The following CCDC171 variants were observed in gnomAD, a reference collection of about 807,000 sequenced individuals.
CCDC171 encodes the protein coiled-coil domain-containing protein 171.
A neutral mutation model predicts 168.2 loss-of-function variants in CCDC171; 177 were observed. That is an observed-to-expected ratio of 1.05 (90% CI 0.93 to 1.19). The LOEUF (loss-of-function observed/expected upper bound fraction) is 1.19. Among genes scored for constraint, CCDC171 ranks in the 50% most tolerant of loss-of-function variants. The pLI is 0.00. For synonymous variants in CCDC171, 687 were observed against 540.8 expected (o/e 1.27, Z -3.75); for missense variants, 1,991 against 1,539.0 (o/e 1.29, Z -4.91).
In CCDC171 at chr9:15,990,857, A is replaced by G. The variant is rs550185356; in HGVS notation, n.369-29732A>G. On this transcript the variant is annotated intron_variant and non_coding_transcript_variant, in intron 3 of 9. Transcript: ENST00000486641. ...CCATTACATAATGGTAAAGGGATCA[A>G]TTCAACAAGAAGAGCTAGGTATCCT... Among the ~76,000 whole-genome samples, 266 of 152,346 alleles carry G rather than the reference A, an allele frequency of 1.7e-3. 3 individuals are homozygous for G. Among genetic ancestry groups the G allele is most frequent in the African/African-American group, 6.2e-3 (259 of 41,578 alleles).
At chr9:16,053,756 C>A (rs1833789737) in intron 1 of CCDC171, among the ~76,000 whole-genome samples, 1 of 152,228 alleles carries the variant, frequency 6.6e-6, no homozygotes, top group South Asian at 2.1e-4. Context: ...GATGGTGTCT[C>A]CCTCACTGGG....
rs1351825252 is a variant in CCDC171, at chr9:15,872,374, G to A, written c.3469-2158G>A. ...AAAGTTTATTTAGAGAATATAAAAT[G>A]TGGCTTACTGTTCACTGTATGTCAA... On this transcript the variant is annotated intron_variant, in intron 23 of 25. Coordinates refer to ENST00000380701, the MANE Select transcript of CCDC171 (RefSeq NM_173550.4). 4.6e-5 allele frequency among the ~76,000 whole-genome samples: 7 copies of A among 152,108 alleles called. No individual in the cohort carries two copies. In the East Asian group the frequency reaches 7.7e-4, roughly 17 times the overall value.
intron 9 of CCDC171, among the ~76,000 whole-genome samples, chr9:15,675,187 GTTTTTT>G (rs138989790): frequency 2.9e-4 from 22 of 75,544 alleles, no homozygotes; most frequent in South Asian, 1.3e-3. Flanking sequence ...TGCAACTCCT[GTTTTTT>G]TTTTTTTTTT....
rs76207650 is a variant in CCDC171 at position 15,759,446 on chromosome 9, C to A, written c.2671+13815C>A. On this transcript the variant is annotated intron_variant, in intron 18 of 25. Transcript: ENST00000380701. ...TCAGGAAATCAACATGGATACATTACTGTCATTCAGATCCCATTAAACTTT... is the reference window on the plus strand; with the variant it reads ...TCAGGAAATCAACATGGATACATTAATGTCATTCAGATCCCATTAAACTTT... 3.7e-3 allele frequency among the ~76,000 whole-genome samples: 567 copies of A among 152,256 alleles called. 3 individuals carry two copies. The highest frequency in any genetic ancestry group is 0.013 in the African/African-American group (535 of 41,556).
At chr9:15,591,750 T>C (rs2131470510) in intron 5 of CCDC171, among the ~76,000 whole-genome samples, 194 bp downstream of exon 5, 1 of 152,036 alleles carries the variant, frequency 6.6e-6, no homozygotes, top group Non-Finnish European at 1.5e-5. Context: ...CTTTTTGGGG[T>C]GAAAAACGGT....
chr9:15,938,281 T>A (rs769173530), intron 25 of CCDC171, among the ~76,000 whole-genome samples: 41 of 151,956 alleles, frequency 2.7e-4, no homozygotes, highest in Non-Finnish European at 4.9e-4. Context: ...GGGAATAGAT[T>A]TTCTTTTTGA....
the CCDC171 span, among the ~76,000 whole-genome samples, chr9:16,090,622 C>A: frequency 7.9e-5 from 12 of 152,250 alleles, no homozygotes; most frequent in Non-Finnish European, 1.2e-4. Flanking sequence ...GAGAAGGAAA[C>A]CAATGGTGGC....
chr9:16,079,120 G>A, the CCDC171 span, among the ~76,000 whole-genome samples: 26 of 152,316 alleles, frequency 1.7e-4, no homozygotes, highest in Non-Finnish European at 3.4e-4. Context: ...TGAATGGTGG[G>A]AGTCCTGATT....
intron 3 of CCDC171, among the ~76,000 whole-genome samples, chr9:15,992,415 A>G (rs925150073): frequency 6.6e-6 from 1 of 152,180 alleles, no homozygotes; most frequent in Admixed American, 6.5e-5. Flanking sequence ...AAAAACTCTC[A>G]ATAAATTAGG....
intron 21 of CCDC171, among the ~76,000 whole-genome samples, chr9:15,795,197 C>A (rs1039099379): frequency 3.3e-4 from 51 of 152,250 alleles, no homozygotes; most frequent in African/African-American, 1.2e-3. Context: ...TGCTTGCATT[C>A]TCTGGGGGAA....
intron 23 of CCDC171, among the ~76,000 whole-genome samples, chr9:15,863,518 C>A (rs1259718016): frequency 6.6e-6 from 1 of 151,722 alleles, no homozygotes; most frequent in African/African-American, 2.4e-5. Flanking sequence ...TTTCTAACTA[C>A]CCCCACCCCA....
chr9:15,601,747 A>G (rs1461985070), intron 6 of CCDC171, among the ~76,000 whole-genome samples: 3 of 152,226 alleles, frequency 2.0e-5, no homozygotes, highest in Non-Finnish European at 2.9e-5. Context: ...CCTACAGGAT[A>G]TTTAAGTTGT....
In CCDC171 at chr9:15,652,589, C is replaced by G. The variant is rs146986523; in HGVS notation, c.823-4538C>G. Among the ~76,000 whole-genome samples, 453 of 152,190 alleles carry G rather than the reference C, an allele frequency of 3.0e-3. 3 individuals carry two copies. Among genetic ancestry groups the G allele is most frequent in the Non-Finnish European group, 5.1e-3 (349 of 68,004 alleles). The stretch of plus-strand genomic sequence containing the variant: ...GGGTTTACAGGTGGCCACCACCACA[C>G]TTGGCTAATTTTTGTTTTTTGTTTT... On this transcript the variant is annotated intron_variant, in intron 7 of 25. Coordinates refer to ENST00000380701, the MANE Select transcript of CCDC171 (RefSeq NM_173550.4).
intron 25 of CCDC171, among the ~76,000 whole-genome samples, chr9:15,934,288 G>A (rs1344215349): frequency 4.0e-5 from 6 of 150,976 alleles, no homozygotes; most frequent in Middle Eastern, 3.4e-3. Context: ...TACATGAGAG[G>A]CCAAGGTGAG....
intron 3 of CCDC171, among the ~76,000 whole-genome samples, chr9:15,574,611 T>A (rs1300278055): frequency 6.6e-6 from 1 of 152,186 alleles, no homozygotes; most frequent in Admixed American, 6.5e-5. Context: ...TAGATGATCA[T>A]ACTTGTATTA....
intron 24 of CCDC171, among the ~76,000 whole-genome samples, chr9:15,884,974 A>G (rs1424401286): frequency 2.6e-5 from 4 of 152,216 alleles, no homozygotes; most frequent in Non-Finnish European, 5.9e-5. Context: ...ATGTTCAACA[A>G]CTTTAGTGTT....
At chr9:15,713,948 A>G (rs1278203420) in intron 11 of CCDC171, among the ~76,000 whole-genome samples, 2 of 151,746 alleles carry the variant, frequency 1.3e-5, no homozygotes, top group African/African-American at 4.8e-5. Flanking sequence ...CTGCTAGATG[A>G]AAAAAACTGG....
chr9:15,876,898 G>A (rs367911288), intron 24 of CCDC171, among the ~76,000 whole-genome samples: 1 of 152,238 alleles, frequency 6.6e-6, no homozygotes, highest in Admixed American at 6.5e-5. Context: ...TCACTCAGCA[G>A]GGTGTGGTGG....
Position 15,744,187 on chromosome 9 carries a change from A to G in CCDC171, c.2050-86A>G. 2.7e-6 allele frequency: 3 copies of G among 1,122,358 alleles called. No individual in the cohort carries two copies. The East Asian group carries it at 7.7e-5, about 29-fold the overall frequency. The allele number at this position is 1,122,358 out of a possible 1,614,324, so 69.5% of individuals were successfully genotyped here. A position where few individuals can be genotyped will look rare whatever the true frequency, so the allele number is the denominator to read the frequency against. ...TAAAGAGGAAGAAGTGGTTGTCAGC[A>G]AAAGTTTGTTTTCTTTGAGTAAAGG... On this transcript the variant is annotated intron_variant, in intron 16 of 25. Coordinates refer to ENST00000380701, the MANE Select transcript of CCDC171 (RefSeq NM_173550.4).
Sources: allele counts gnomAD v4.1 joint callset (sites outside exome capture counted in the v4.1 genomes callset), GRCh38; gene constraint gnomAD v4.1.1; transcripts MANE v1.5; gene names NCBI Gene and HGNC (gene_info 2026-07-23, HGNC 2026-07-21).